Variants in CLMP observed in about 807,000 individuals in gnomAD.
CLMP encodes the protein CXADR-like membrane protein.
Under a neutral mutation model 45.2 loss-of-function variants are expected in CLMP, and 27 were observed. The observed-to-expected ratio is 0.60, with a 90% confidence interval of 0.44 to 0.82. CLMP has a LOEUF of 0.82. Among genes scored for constraint, CLMP ranks in the 40% least tolerant of loss-of-function variants. The pLI, the probability that CLMP is intolerant of heterozygous loss-of-function variation, is 0.00. For missense variants in CLMP, 403 were observed against 448.4 expected (o/e 0.90, Z 0.91); for synonymous variants, 167 against 171.4 (o/e 0.97, Z 0.20).
chr11:123,169,262 A>G (rs1861598831), intron 1 of CLMP, among the ~76,000 whole-genome samples: 1 of 152,208 alleles, frequency 6.6e-6, no homozygotes, highest in African/African-American at 2.4e-5. Flanking sequence ...TAAGATGCTA[A>G]TGAGCATTGA....
At chr11:123,107,664 C>T (rs560108368) in intron 1 of CLMP, among the ~76,000 whole-genome samples, 19 of 151,958 alleles carry the variant, frequency 1.3e-4, no homozygotes, top group South Asian at 4.2e-4. Flanking sequence ...GGGCCACCAC[C>T]GTGTTGCATT....
chr11:123,146,331 T>C (rs776490405), intron 1 of CLMP, among the ~76,000 whole-genome samples: 10 of 152,192 alleles, frequency 6.6e-5, no homozygotes, highest in Non-Finnish European at 1.3e-4. Flanking sequence ...ATACCATGGT[T>C]GTGAGAACTG....
intron 1 of CLMP, among the ~76,000 whole-genome samples, chr11:123,131,138 C>A (rs2135508709): frequency 6.6e-6 from 1 of 152,104 alleles, no homozygotes; most frequent in Middle Eastern, 3.4e-3. Context: ...CCACCGTGCC[C>A]AGCCGGATTT....
chr11:123,082,003 C>T (rs1183832740), intron 5 of CLMP, among the ~76,000 whole-genome samples: 1 of 152,200 alleles, frequency 6.6e-6, no homozygotes, highest in Middle Eastern at 3.2e-3. Flanking sequence ...TCTGACTCCA[C>T]GGCTGATGCT....
chr11:123,167,830 C>T (rs985393321), intron 1 of CLMP, among the ~76,000 whole-genome samples: 5 of 152,198 alleles, frequency 3.3e-5, no homozygotes, highest in Admixed American at 1.3e-4. Context: ...AGGGGAAGCT[C>T]TTCCCTAGTT....
intron 1 of CLMP, among the ~76,000 whole-genome samples, chr11:123,125,465 TCCTC>T (rs1860875206): frequency 5.6e-5 from 2 of 35,726 alleles, no homozygotes; most frequent in African/African-American, 2.1e-4. Flanking sequence ...CCTCCCTCCC[TCCTC>T]CCTCCCTCCT....
chr11:123,160,303 A>AG (rs1196599291), intron 1 of CLMP, among the ~76,000 whole-genome samples: 2 of 151,350 alleles, frequency 1.3e-5, no homozygotes, highest in East Asian at 3.9e-4. Flanking sequence ...AAAAAAAAAA[A>AG]AGGAAAGTAA....
intron 1 of CLMP, among the ~76,000 whole-genome samples, chr11:123,149,028 A>G (rs899772334): frequency 2.0e-5 from 3 of 152,112 alleles, no homozygotes; most frequent in African/African-American, 7.2e-5. Context: ...TAGTCAAAAC[A>G]TGGGCTCAAG....
intron 1 of CLMP, among the ~76,000 whole-genome samples, chr11:123,151,707 CT>C (rs1249195632): frequency 6.6e-6 from 1 of 152,212 alleles, no homozygotes; most frequent in Non-Finnish European, 1.5e-5. Context: ...AGGGAAGAAT[CT>C]GATCAATTAA....
intron 1 of CLMP, among the ~76,000 whole-genome samples, chr11:123,161,022 A>T (rs186399463): frequency 2.6e-5 from 4 of 150,962 alleles, no homozygotes; most frequent in Non-Finnish European, 4.4e-5. Context: ...CTTCCTATTT[A>T]TTGATTGAAA....
chr11:123,136,575 T>C (rs1405060090), intron 1 of CLMP, among the ~76,000 whole-genome samples: 56 of 139,374 alleles, frequency 4.0e-4, no homozygotes, highest in Middle Eastern at 3.5e-3. Flanking sequence ...TTTTTTTTTT[T>C]TTTTTTTTTT....
intron 1 of CLMP, among the ~76,000 whole-genome samples, chr11:123,105,383 C>CCCTT (rs1238338664): frequency 3.1e-4 from 16 of 51,866 alleles, no homozygotes; most frequent in Admixed American, 1.1e-3. Flanking sequence ...CTCCCTCCCT[C>CCCTT]CCTTCCTTCC....
At chr11:123,114,143 C>A (rs933438624) in intron 1 of CLMP, among the ~76,000 whole-genome samples, 46 of 151,852 alleles carry the variant, frequency 3.0e-4, no homozygotes, top group Non-Finnish European at 1.2e-4. Flanking sequence ...GCAGAGGGGG[C>A]GGGAATTAAA....
intron 1 of CLMP, among the ~76,000 whole-genome samples, chr11:123,194,655 A>G (rs1591493313): frequency 6.6e-6 from 1 of 151,808 alleles, no homozygotes; most frequent in Admixed American, 6.6e-5. Flanking sequence ...GAAACTAAAC[A>G]CCGCCCTAAA....
intron 1 of CLMP, among the ~76,000 whole-genome samples, chr11:123,155,227 G>A (rs1861396396): frequency 6.6e-6 from 1 of 152,202 alleles, no homozygotes; most frequent in Admixed American, 6.5e-5. Context: ...CTGGCCTGAA[G>A]GGGTCCTCCT....
intron 1 of CLMP, among the ~76,000 whole-genome samples, chr11:123,182,535 A>G (rs1861783276): frequency 6.6e-6 from 1 of 152,198 alleles, no homozygotes; most frequent in South Asian, 2.1e-4. Context: ...TGGTGGCCTA[A>G]TTATTTCTTC....
At chr11:123,182,267 G>A (rs1055815217) in intron 1 of CLMP, among the ~76,000 whole-genome samples, 7 of 152,194 alleles carry the variant, frequency 4.6e-5, no homozygotes, top group African/African-American at 7.2e-5. Flanking sequence ...AGCATCCTGC[G>A]AAGAGCTGGC....
At chr11:123,091,437 G>T (rs926218367) in intron 2 of CLMP, among the ~76,000 whole-genome samples, 3 of 152,056 alleles carry the variant, frequency 2.0e-5, no homozygotes, top group Non-Finnish European at 4.4e-5. Flanking sequence ...CTCATGTACA[G>T]CTTGGTCTGA....
chr11:123,141,970 C>T (rs566850532), intron 1 of CLMP, among the ~76,000 whole-genome samples: 10 of 147,506 alleles, frequency 6.8e-5, no homozygotes, highest in Admixed American at 6.2e-4. Flanking sequence ...TTGAGCTAAC[C>T]AAAATCCCCC....
Sources: allele counts gnomAD v4.1 joint callset (sites outside exome capture counted in the v4.1 genomes callset), GRCh38; gene constraint gnomAD v4.1.1; transcripts MANE v1.5; gene names NCBI Gene and HGNC (gene_info 2026-07-23, HGNC 2026-07-21).